The following TAX1BP1 variants were observed in gnomAD, a reference collection of about 807,000 sequenced individuals.
TAX1BP1 encodes tax1-binding protein 1.
In TAX1BP1, 62 loss-of-function variants were observed where a neutral mutation model predicts 97.7. The observed-to-expected ratio is 0.63, with a 90% CI of 0.52 to 0.78. The LOEUF (loss-of-function observed/expected upper bound fraction) is 0.78. Among genes scored for constraint, TAX1BP1 ranks in the 30% least tolerant of loss-of-function variants. The pLI, the probability that TAX1BP1 is intolerant of heterozygous loss-of-function variation, is 0.00. For missense variants in TAX1BP1, 867 were observed against 916.1 expected, an observed-to-expected ratio of 0.95 and a Z score of 0.69; for synonymous variants, 340 against 304.2, an observed-to-expected ratio of 1.12 and a Z score of -1.23.
At chr7:27,765,286 C>G (rs6976979) in intron 3 of TAX1BP1, among the ~76,000 whole-genome samples, 157 of 151,928 alleles carry the variant, frequency 1.0e-3, no homozygotes, top group African/African-American at 3.6e-3. Context: ...TTCCAAAGTG[C>G]TGGGATTACA....
At chr7:27,821,708 TTAAAG>T (rs202010022) in intron 15 of TAX1BP1, among the ~76,000 whole-genome samples, 1,538 of 152,208 alleles carry the variant, frequency 0.01, 20 homozygotes, top group African/African-American at 0.033. Flanking sequence ...AATTTGCCAT[TTAAAG>T]TATACAATTT....
At chr7:27,818,673 T>C (rs1385192985) in intron 15 of TAX1BP1, among the ~76,000 whole-genome samples, 1 of 152,210 alleles carries the variant, frequency 6.6e-6, no homozygotes, top group Non-Finnish European at 1.5e-5. Context: ...CCCGTTTACC[T>C]AATGATTGTA....
chr7:27,760,751 T>C (rs1788396011), intron 3 of TAX1BP1, among the ~76,000 whole-genome samples: 1 of 152,158 alleles, frequency 6.6e-6, no homozygotes, highest in South Asian at 2.1e-4. Context: ...TTATAGTCGC[T>C]AAGAGAGAGC....
At chr7:27,767,743 C>A (rs1256600830) in intron 4 of TAX1BP1, among the ~76,000 whole-genome samples, 2 of 152,060 alleles carry the variant, frequency 1.3e-5, no homozygotes, top group Non-Finnish European at 2.9e-5. Flanking sequence ...TTATCTTGTA[C>A]TTTTTCTTCA....
Position 27,767,108 on chromosome 7 carries a change from T to A in TAX1BP1, c.453+1087T>A, listed in dbSNP as rs562018525. Among the ~76,000 whole-genome samples the A allele has an allele frequency of 1.4e-4, 22 of 152,250 alleles. No homozygotes were observed. In the South Asian group the frequency reaches 4.1e-3, roughly 29 times the overall value. Reference sequence around the variant, plus strand: ...GTGACATTCTTTTCTCATTTTAAGATCACATTTTTCAATATCTTTATCCTA... The same window carrying A: ...GTGACATTCTTTTCTCATTTTAAGAACACATTTTTCAATATCTTTATCCTA... On this transcript the variant is annotated intron_variant, in intron 4 of 16. Transcript: ENST00000396319.
At chr7:27,785,068 ATTCTAAGAATACATAGTT>A in intron 5 of TAX1BP1, 77 bp from the exon 6 acceptor site, 1 of 1,284,036 alleles carries the variant, frequency 7.8e-7, no homozygotes. Flanking sequence ...TGGGATTAAA[ATTCTAAGAATACATAGTT>A]TTCTTAAAGA....
chr7:27,776,549 C>T (rs1388806285), intron 5 of TAX1BP1, among the ~76,000 whole-genome samples: 2 of 151,644 alleles, frequency 1.3e-5, no homozygotes, highest in East Asian at 3.9e-4. Context: ...GTGTTTTTTT[C>T]CTCTTACTAT....
intron 1 of TAX1BP1, among the ~76,000 whole-genome samples, chr7:27,746,036 A>G (rs137949407): frequency 0.011 from 1,729 of 152,184 alleles, 28 homozygotes; most frequent in African/African-American, 0.037. Flanking sequence ...AAAAACTGTT[A>G]TAATTGAGGT....
At chr7:27,785,598 G>T in intron 7 of TAX1BP1, 109 bp downstream of exon 7, 8 of 866,380 alleles carry the variant, frequency 9.2e-6, no homozygotes, top group Non-Finnish European at 1.5e-5. Context: ...AGTGGTTCTG[G>T]CTCTAGCCTC....
intron 8 of TAX1BP1, among the ~76,000 whole-genome samples, chr7:27,788,611 AT>A (rs1583708151): frequency 6.6e-6 from 1 of 151,808 alleles, no homozygotes; most frequent in African/African-American, 2.4e-5. Context: ...GGACTTACTG[AT>A]TTTTTGCTGC....
At chr7:27,755,300 C>G (rs1178512135) in intron 2 of TAX1BP1, among the ~76,000 whole-genome samples, 1 of 152,144 alleles carries the variant, frequency 6.6e-6, no homozygotes, top group African/African-American at 2.4e-5. Flanking sequence ...CCTCCTATAT[C>G]CATATGTAAT....
At chr7:27,784,692 G>T (rs1789402127) in intron 5 of TAX1BP1, among the ~76,000 whole-genome samples, 1 of 152,076 alleles carries the variant, frequency 6.6e-6, no homozygotes, top group African/African-American at 2.4e-5. Flanking sequence ...CTGAAGGTGG[G>T]GGGAAAATGT....
chr7:27,767,830 T>G (rs1788697385), intron 4 of TAX1BP1, among the ~76,000 whole-genome samples: 1 of 152,124 alleles, frequency 6.6e-6, no homozygotes, highest in African/African-American at 2.4e-5. Context: ...ATGTGAAAAT[T>G]GCTGTTTCTT....
Position 27,829,408 on chromosome 7 carries a change from G to A in TAX1BP1, c.*579G>A, listed in dbSNP as rs1782614495. ...ATATTGGTTTTAGCAATTAACAGAAGGCATACTTTGCTAATTTTATGGCAA... is the reference window on the plus strand; with the variant it reads ...ATATTGGTTTTAGCAATTAACAGAAAGCATACTTTGCTAATTTTATGGCAA... On this transcript the variant is annotated 3_prime_UTR_variant, in exon 17 of 17. Coordinates refer to ENST00000396319, the MANE Select transcript of TAX1BP1 (RefSeq NM_006024.7). 1 of 152,102 alleles carries A rather than the reference G, an allele frequency of 6.6e-6. No homozygotes were observed. The highest frequency in any genetic ancestry group is 6.5e-5 in the Admixed American group (1 of 15,272). 9.4% of individuals were successfully genotyped at this position (152,102 alleles called of 1,614,324 possible).
At chr7:27,757,996 C>A in intron 2 of TAX1BP1, 35 bp from the exon 3 acceptor site, 1 of 1,429,440 alleles carries the variant, frequency 7.0e-7, no homozygotes, top group South Asian at 1.2e-5. Context: ...AAACTATTTG[C>A]TTATAAATCC....
At chr7:27,823,263 TTAAATAAA>T (rs1791047058) in intron 15 of TAX1BP1, among the ~76,000 whole-genome samples, 1 of 152,192 alleles carries the variant, frequency 6.6e-6, no homozygotes, top group Admixed American at 6.5e-5. Flanking sequence ...TTCTCTTGTT[TTAAATAAA>T]AGTTACCCAG....
Position 27,816,893 on chromosome 7 carries a change from G to C in TAX1BP1, c.1940G>C (p.Gly647Ala). The change falls in exon 15 of 17, where the codon GGA becomes GCA. Residue 647 changes from glycine (G) to alanine (A), a missense_variant. Gly to Ala is a moderately conservative substitution (Grantham distance 60). This residue lies in a region of TAX1BP1 where 822 missense variants were observed against 851.4 expected (regional missense o/e 0.97). Coordinates refer to ENST00000396319, the MANE Select transcript of TAX1BP1 (RefSeq NM_006024.7). ...CTTTCCAAAAATTTTATTACAGATGGAGCAGATGGTGCTTTTTACCCAGAT... is the reference window on the plus strand; with the variant it reads ...CTTTCCAAAAATTTTATTACAGATGCAGCAGATGGTGCTTTTTACCCAGAT... ...NPYASQETRD[G>A]ADGAFYPDEI... The C allele has an allele frequency of 1.2e-6, 2 of 1,613,836 alleles. No individual in the cohort carries two copies. The highest frequency in any genetic ancestry group is 1.7e-6 in the Non-Finnish European group (2 of 1,179,938).
At chr7:27,770,776 A>G (rs758571485) in intron 5 of TAX1BP1, among the ~76,000 whole-genome samples, 4 of 152,084 alleles carry the variant, frequency 2.6e-5, no homozygotes, top group Non-Finnish European at 4.4e-5. Flanking sequence ...GCTTTGTTCT[A>G]TTTGTTTGAG....
At chr7:27,803,739 T>C (rs1286454446) in intron 13 of TAX1BP1, among the ~76,000 whole-genome samples, 2 of 152,252 alleles carry the variant, frequency 1.3e-5, no homozygotes, top group African/African-American at 4.8e-5. Flanking sequence ...GTTAATTTTA[T>C]TGACGCTTGA....
Sources: allele counts gnomAD v4.1 joint callset (sites outside exome capture counted in the v4.1 genomes callset), GRCh38; gene constraint gnomAD v4.1.1; regional missense constraint gnomAD v4.1.1; transcripts MANE v1.5; gene names NCBI Gene and HGNC (gene_info 2026-07-23, HGNC 2026-07-21).